SMOX: variants seen among roughly 807,000 people sequenced by gnomAD.
SMOX encodes the protein spermine oxidase.
SMOX carries 22 observed loss-of-function variants against 51.0 expected under a neutral mutation model. The ratio of observed to expected loss-of-function variants is 0.43; its 90% CI spans 0.31 to 0.62. The LOEUF is 0.62. Among genes scored for constraint, SMOX ranks in the 20% least tolerant of loss-of-function variants. The pLI is 0.10. For synonymous variants in SMOX, 282 were observed against 307.8 expected (o/e 0.92, Z 0.88); for missense variants, 566 against 777.7 (o/e 0.73, Z 3.24).
intron 1 of SMOX, among the ~76,000 whole-genome samples, chr20:4,171,298 C>T (rs1053315250): frequency 6.6e-6 from 1 of 152,104 alleles, no homozygotes; most frequent in African/African-American, 2.4e-5. Context: ...AAACAAAACC[C>T]AGAAGGGAAA....
Position 4,177,355 on chromosome 20 carries a change from C to T in SMOX, c.213C>T (p.His71=), listed in dbSNP as rs370365021. ...GCCTGCTGTTGTCACCCTCAGGACA[C>T]GCCACCTTTGAGCTGGGAGCCACCT... ...GGRVQSVKLG[H]ATFELGATWI... The change falls in exon 3 of 7, where the codon CAC becomes CAT. Residue 71 remains histidine, a synonymous_variant. Transcript: ENST00000305958. The surrounding 1 kb of genome is among the most constrained non-coding windows in gnomAD (Gnocchi z 4.3). 1.2e-5 allele frequency: 18 copies of T among 1,552,016 alleles called. No homozygotes were observed. The highest frequency in any genetic ancestry group is 2.7e-5 in the African/African-American group (2 of 73,180).
In SMOX at chr20:4,187,276, C is replaced by G. The variant is rs745584278; in HGVS notation, c.1537C>G (p.Gln513Glu). The change falls in exon 7 of 7, where the codon CAG becomes GAG. Residue 513 changes from glutamine to glutamate, a missense_variant. By Grantham distance (29) the Gln-to-Glu change is conservative (BLOSUM62 2). Coordinates refer to ENST00000305958, the MANE Select transcript of SMOX (RefSeq NM_175839.3). This position sits in a 1 kb window ranked among gnomAD's most constrained non-coding sequence, Gnocchi z 4.8. ...YTESSKTAPM[Q>E]VLFSGEATHR... ...CCCCATCCCCGCCCCGCAGCCCATG[C>G]AGGTGCTGTTTTCCGGTGAGGCCAC... 2 of 1,613,862 alleles carry G rather than the reference C, an allele frequency of 1.2e-6. No individual in the cohort carries two copies. Among genetic ancestry groups the G allele is most frequent in the South Asian group, 1.1e-5 (1 of 90,990 alleles).
intron 1 of SMOX, among the ~76,000 whole-genome samples, chr20:4,163,537 T>C (rs1388738402): frequency 3.3e-5 from 5 of 152,242 alleles, no homozygotes; most frequent in Non-Finnish European, 1.5e-5. Flanking sequence ...ACTCCAAAAC[T>C]GGTAGCTTAA....
intron 1 of SMOX, among the ~76,000 whole-genome samples, chr20:4,150,946 C>T (rs1196120557): frequency 6.6e-6 from 1 of 151,768 alleles, no homozygotes; most frequent in Non-Finnish European, 1.5e-5. Context: ...ATTCTCCTGC[C>T]TCAGCCTCCC....
At chr20:4,178,375 C>A (rs1741322) in intron 3 of SMOX, among the ~76,000 whole-genome samples, 34,823 of 152,146 alleles carry the variant, frequency 0.23, 6,737 homozygotes, top group African/African-American at 0.52. Context: ...TGTCTAGTAG[C>A]TACTGTGTTG....
In SMOX at chr20:4,175,179, G is replaced by A; in HGVS notation, c.124G>A (p.Ala42Thr). The A allele has an allele frequency of 6.2e-7, 1 of 1,614,206 alleles. No homozygotes were observed. The highest frequency in any genetic ancestry group is 8.5e-7 in the Non-Finnish European group (1 of 1,180,044). The change falls in exon 2 of 7, where the codon GCA becomes ACA. Residue 42 changes from alanine to threonine, a missense_variant. By Grantham distance (58) the Ala-to-Thr change is moderately conservative. Transcript: ENST00000305958. ...CTTGGCTGGCCTGGCTGCAGCCAAA[G>A]CACTTCTTGAGCAGGGTTTCACGGA... ...AGLAGLAAAKALLEQGFTDVT... is the reference protein window; with the variant it reads ...AGLAGLAAAKTLLEQGFTDVT...
At chr20:4,179,302 C>T (rs1979144059) in intron 3 of SMOX, among the ~76,000 whole-genome samples, 1 of 152,074 alleles carries the variant, frequency 6.6e-6, no homozygotes, top group Non-Finnish European at 1.5e-5. Context: ...TTTTAAATGT[C>T]GTTAAAAGTA....
At chr20:4,162,744 A>G (rs1986392934) in intron 1 of SMOX, among the ~76,000 whole-genome samples, 1 of 152,214 alleles carries the variant, frequency 6.6e-6, no homozygotes, top group Admixed American at 6.5e-5. Context: ...AGAGAGCAGA[A>G]CAGATGTGAT....
At chr20:4,185,595 C>T (rs941118722) in intron 6 of SMOX, among the ~76,000 whole-genome samples, 2 of 97,484 alleles carry the variant, frequency 2.1e-5, no homozygotes, top group African/African-American at 5.8e-5. Flanking sequence ...GGTGACAGAG[C>T]GAGACCCTGT....
At chr20:4,185,998 G>T (rs1979703181) in intron 6 of SMOX, among the ~76,000 whole-genome samples, 1 of 152,130 alleles carries the variant, frequency 6.6e-6, no homozygotes, top group Non-Finnish European at 1.5e-5. Context: ...CCCCAGACCT[G>T]CTGGATTAAA....
chr20:4,186,710 G>T, intron 6 of SMOX: 1 of 780,246 alleles, frequency 1.3e-6, no homozygotes, highest in Non-Finnish European at 2.4e-6. Context: ...ACGCTGTTTA[G>T]TAATTGGGTT....
Position 4,187,599 on chromosome 20 carries a change from C to A in SMOX, c.*192C>A, listed in dbSNP as rs1979843286. The A allele has an allele frequency of 1.4e-6, 1 of 738,076 alleles. No homozygotes were observed. Among genetic ancestry groups the A allele is most frequent in the Non-Finnish European group, 2.1e-6 (1 of 475,668 alleles). The allele number at this position is 738,076 out of a possible 1,614,324, so 45.7% of individuals were successfully genotyped here. A position where few individuals can be genotyped will look rare whatever the true frequency, so the allele number is the denominator to read the frequency against. Reference sequence around the variant, plus strand: ...CCAGGCTGGGCCGTGAGCAGGTGGGCCGTTGAGTTACCTCTGTGCTGGATC... The same window carrying A: ...CCAGGCTGGGCCGTGAGCAGGTGGGACGTTGAGTTACCTCTGTGCTGGATC... On this transcript the variant is annotated 3_prime_UTR_variant, in exon 7 of 7. Transcript: ENST00000305958. The surrounding 1 kb of genome is among the most constrained non-coding windows in gnomAD (Gnocchi z 4.8).
chr20:4,170,178 G>A lies in SMOX; in HGVS notation c.-26-4852G>A, dbSNP rs1177882100. Among the ~76,000 whole-genome samples, 3 of 151,360 alleles carry A rather than the reference G, an allele frequency of 2.0e-5. 1 individual carries two copies. The highest frequency in any genetic ancestry group is 2.0e-4 in the Admixed American group (3 of 15,198). ...GGCGGGGTGGGGGGGTGCTTCTGGC[G>A]CAGTTGGGGGTGGAGGTGACATGAT... On this transcript the variant is annotated intron_variant, in intron 1 of 6. Coordinates refer to ENST00000305958, the MANE Select transcript of SMOX (RefSeq NM_175839.3). This position sits in a 1 kb window ranked among gnomAD's most constrained non-coding sequence, Gnocchi z 4.6.
At position 4,183,416 on chromosome 20, in the gene SMOX, G is replaced by A. The variant is rs888453646; in HGVS notation, c.1370-78G>A. On this transcript the variant is annotated intron_variant, in intron 5 of 6. Transcript: ENST00000305958. The surrounding 1 kb of genome is among the most constrained non-coding windows in gnomAD (Gnocchi z 4.3). ...CGGAGCCCTGGAGGTGGGGTGGGGGGTTGTCCCTTTGGGGTCATCTTCCAT... is the reference window on the plus strand; with the variant it reads ...CGGAGCCCTGGAGGTGGGGTGGGGGATTGTCCCTTTGGGGTCATCTTCCAT... The A allele has an allele frequency of 6.2e-6, 10 of 1,607,046 alleles. No individual in the cohort carries two copies. In the African/African-American group the frequency reaches 1.2e-4, roughly 19 times the overall value.
Position 4,183,509 on chromosome 20 carries a change from C to G in SMOX, c.1385C>G (p.Pro462Arg). 1 of 1,614,192 alleles carries G rather than the reference C, an allele frequency of 6.2e-7. No individual in the cohort carries two copies. The highest frequency in any genetic ancestry group is 8.5e-7 in the Non-Finnish European group (1 of 1,180,036). Reference sequence around the variant, plus strand: ...TCTCCATCAGGGAACCCCAACATTCCAAAACCTCGGCGAATCTTGCGCTCG... The same window carrying G: ...TCTCCATCAGGGAACCCCAACATTCGAAAACCTCGGCGAATCTTGCGCTCG... ...LRQFTGNPNI[P>R]KPRRILRSAW... The change falls in exon 6 of 7, where the codon CCA becomes CGA. Residue 462 changes from proline to arginine, a missense_variant. Coordinates refer to ENST00000305958, the MANE Select transcript of SMOX (RefSeq NM_175839.3). This position sits in a 1 kb window ranked among gnomAD's most constrained non-coding sequence, Gnocchi z 4.3.
In SMOX at chr20:4,185,931, A is replaced by AAC. The variant is rs555136293; in HGVS notation, c.1531-1325_1531-1324dup. Among the ~76,000 whole-genome samples, 547 of 149,504 alleles carry AAC rather than the reference A, an allele frequency of 3.7e-3. 3 individuals are homozygous for AAC. Among genetic ancestry groups the AAC allele is most frequent in the African/African-American group, 0.012 (472 of 40,418 alleles). On this transcript the variant is annotated intron_variant, in intron 6 of 6. Transcript: ENST00000305958. ...AAAAACAACAACCCCTGGCGCCCTA[A>AAC]ACACACACACACACAAATAAATAAA...
chr20:4,158,114 A>G (rs926366412), intron 1 of SMOX, among the ~76,000 whole-genome samples: 15 of 149,918 alleles, frequency 1.0e-4, no homozygotes, highest in African/African-American at 2.2e-4. Flanking sequence ...GTTAGCCAGG[A>G]TGGTCTCGAT....
chr20:4,162,907 G>A (rs1986398967), intron 1 of SMOX, among the ~76,000 whole-genome samples: 1 of 152,236 alleles, frequency 6.6e-6, no homozygotes, highest in African/African-American at 2.4e-5. Flanking sequence ...GAGAAAGACG[G>A]GGAGGATGCG....
chr20:4,156,771 C>T (rs539045894), intron 1 of SMOX, among the ~76,000 whole-genome samples: 2 of 152,270 alleles, frequency 1.3e-5, no homozygotes, highest in African/African-American at 4.8e-5. Context: ...GAGATGGAGC[C>T]TCACTCTGTC....
Sources: allele counts gnomAD v4.1 joint callset (sites outside exome capture counted in the v4.1 genomes callset), GRCh38; gene constraint gnomAD v4.1.1; non-coding constraint Gnocchi (gnomAD v3.1); transcripts MANE v1.5; gene names NCBI Gene and HGNC (gene_info 2026-07-23, HGNC 2026-07-21).